The following SPRY3 variants were observed in gnomAD, a reference collection of about 807,000 sequenced individuals.
SPRY3 encodes protein sprouty homolog 3.
In SPRY3, 15 loss-of-function variants were observed where a neutral mutation model predicts 20.2. The observed-to-expected ratio is 0.74, with a 90% confidence interval of 0.50 to 1.14. The LOEUF (loss-of-function observed/expected upper bound fraction) is 1.14, where lower values mean the gene tolerates loss of function less well. SPRY3 is among the 50% of genes most tolerant of loss of function. The pLI, the probability that SPRY3 is intolerant of heterozygous loss-of-function variation, is 0.00. For missense variants in SPRY3, 364 were observed against 363.9 expected (o/e 1.00, Z 0.00); for synonymous variants, 143 against 136.5 (o/e 1.05, Z -0.33).
chrX:155,767,719 AAAGAGGAGGAGGAG>A (rs2091345424), intron 2 of SPRY3: 9 of 83,112 alleles, frequency 1.1e-4, no homozygotes, highest in African/African-American at 4.6e-4. Context: ...GGAGGAGGAG[AAAGAGGAGGAGGAG>A]GAGAGAGAGG....
At chrX:155,696,358 CCTT>C (rs1178193485) in intron 2 of SPRY3, among the ~76,000 whole-genome samples, 1 of 110,059 alleles carries the variant, frequency 9.1e-6, no homozygotes, top group Non-Finnish European at 1.9e-5. Context: ...GGCAGCACCT[CCTT>C]CTTGATTGTT....
chrX:155,711,837 T>C (rs1367806707), intron 2 of SPRY3, among the ~76,000 whole-genome samples: 1 of 151,540 alleles, frequency 6.6e-6, no homozygotes, highest in Non-Finnish European at 1.5e-5. Flanking sequence ...TGTAGGGACT[T>C]ATAGCTATAA....
chrX:155,614,329 C>T (rs1258037475), intron 1 of SPRY3, among the ~76,000 whole-genome samples: 1 of 112,021 alleles, frequency 8.9e-6, no homozygotes, highest in African/African-American at 3.2e-5. Flanking sequence ...ACAGGAAGAT[C>T]ATAACTGTAG....
chrX:155,757,596 G>A (rs1416341356), intron 2 of SPRY3, among the ~76,000 whole-genome samples: 1 of 152,078 alleles, frequency 6.6e-6, no homozygotes, highest in Non-Finnish European at 1.5e-5. Flanking sequence ...TGCTTGTAAT[G>A]GTCTGGAGGT....
At chrX:155,727,417 C>A (rs1387588966) in intron 2 of SPRY3, among the ~76,000 whole-genome samples, 1 of 152,258 alleles carries the variant, frequency 6.6e-6, no homozygotes, top group Middle Eastern at 3.4e-3. Context: ...TGGTTCCATT[C>A]TCCCCGTCAC....
Position 155,709,973 on chromosome X carries a change from G to A in SPRY3, c.-282+52948G>A, listed in dbSNP as rs185312889. On this transcript the variant is annotated intron_variant, in intron 2 of 3. Coordinates refer to ENST00000675360, the Ensembl canonical transcript of SPRY3. Reference sequence around the variant, plus strand: ...TTTACAGAAAGTGAGTTCACTGTAGGTATGTGGATTTGTTTCTGGGTTCTC... The same window carrying A: ...TTTACAGAAAGTGAGTTCACTGTAGATATGTGGATTTGTTTCTGGGTTCTC... Among the ~76,000 whole-genome samples the A allele has an allele frequency of 4.0e-5, 6 of 151,556 alleles. No homozygotes were observed. In the East Asian group the frequency reaches 1.2e-3, roughly 29 times the overall value.
intron 2 of SPRY3, among the ~76,000 whole-genome samples, chrX:155,739,766 A>G (rs190927644): frequency 3.7e-4 from 56 of 152,304 alleles, no homozygotes; most frequent in African/African-American, 1.3e-3. Context: ...AACAAACAGG[A>G]AGCAACAGCA....
chrX:155,672,476 C>T (rs1351561866), intron 2 of SPRY3, among the ~76,000 whole-genome samples: 1 of 111,376 alleles, frequency 9.0e-6, no homozygotes, highest in East Asian at 2.8e-4. Flanking sequence ...GCTCATCATC[C>T]CTGGCCATCA....
At chrX:155,727,291 A>G (rs773058220) in intron 2 of SPRY3, among the ~76,000 whole-genome samples, 1 of 151,946 alleles carries the variant, frequency 6.6e-6, no homozygotes, top group East Asian at 1.9e-4. Flanking sequence ...TTGGGGTTGC[A>G]CTTCTCGAGG....
chrX:155,714,235 C>A (rs1402801675), intron 2 of SPRY3, among the ~76,000 whole-genome samples: 1 of 152,096 alleles, frequency 6.6e-6, no homozygotes, highest in Non-Finnish European at 1.5e-5. Context: ...ATTATGTTTT[C>A]TTTTCCTGGA....
intron 2 of SPRY3, among the ~76,000 whole-genome samples, chrX:155,748,618 C>T (rs962791639): frequency 1.3e-5 from 2 of 151,780 alleles, no homozygotes; most frequent in African/African-American, 4.8e-5. Flanking sequence ...AAGACGAAGA[C>T]TTCTAAAGGA....
Position 155,765,233 on chromosome X carries a change from G to A in SPRY3, c.-281-2729G>A, listed in dbSNP as rs2091320205. Among the ~76,000 whole-genome samples, 5 of 152,118 alleles carry A rather than the reference G, an allele frequency of 3.3e-5. No individual in the cohort carries two copies. In the South Asian group the frequency reaches 1.0e-3, roughly 32 times the overall value. On this transcript the variant is annotated intron_variant, in intron 2 of 3. Coordinates refer to ENST00000675360, the Ensembl canonical transcript of SPRY3. Reference sequence around the variant, plus strand: ...AAGTTAGAACAAAAATCCCTGAAGGGATTTGCAGATGGTTGGATACTGTGG... The same window carrying A: ...AAGTTAGAACAAAAATCCCTGAAGGAATTTGCAGATGGTTGGATACTGTGG...
At chrX:155,767,505 T>C (rs970476745) in intron 2 of SPRY3, among the ~76,000 whole-genome samples, 1 of 150,786 alleles carries the variant, frequency 6.6e-6, no homozygotes, top group Admixed American at 6.6e-5. Flanking sequence ...GGTTCATCTG[T>C]CAGATTGGAG....
intron 2 of SPRY3, among the ~76,000 whole-genome samples, chrX:155,696,340 A>G (rs2068118840): frequency 9.1e-6 from 1 of 109,544 alleles, no homozygotes; most frequent in African/African-American, 3.3e-5. Context: ...TTATCATGTC[A>G]TCTCTGAGGC....
chrX:155,728,647 A>G lies in SPRY3; in HGVS notation c.-281-39315A>G, dbSNP rs181661792. On this transcript the variant is annotated intron_variant, in intron 2 of 3. Transcript: ENST00000675360. ...ATGGGAGAGAATCTCCTGGTCTGCC[A>G]GTTGCTAAGACCATGGGAAAAGCAC... Among the ~76,000 whole-genome samples the G allele has an allele frequency of 1.6e-3, 249 of 152,346 alleles. 2 individuals carry two copies. The highest frequency in any genetic ancestry group is 5.7e-3 in the African/African-American group (239 of 41,590).
chrX:155,676,295 T>A (rs1339528914), intron 2 of SPRY3, among the ~76,000 whole-genome samples: 4 of 111,645 alleles, frequency 3.6e-5, no homozygotes, highest in African/African-American at 1.3e-4. Context: ...TTCTAATATA[T>A]CCAGTGTGAA....
chrX:155,624,479 A>G (rs1490997371), intron 1 of SPRY3, among the ~76,000 whole-genome samples: 1 of 110,643 alleles, frequency 9.0e-6, no homozygotes, highest in African/African-American at 3.3e-5. Context: ...ATCTGTATCT[A>G]TATAATCTAT....
intron 2 of SPRY3, among the ~76,000 whole-genome samples, chrX:155,759,030 G>A (rs899728411): frequency 1.3e-5 from 2 of 150,694 alleles, no homozygotes; most frequent in African/African-American, 4.9e-5. Context: ...TTATATCTTT[G>A]TGCATGCCGT....
intron 2 of SPRY3, among the ~76,000 whole-genome samples, chrX:155,724,329 T>C (rs1335384446): frequency 1.3e-5 from 2 of 152,162 alleles, no homozygotes; most frequent in Non-Finnish European, 2.9e-5. Context: ...AAGAAAGTCA[T>C]TGGTAGCTCG....
Sources: gnomAD v4.1 joint callset for allele counts (sites outside exome capture counted in the v4.1 genomes callset) on GRCh38, gnomAD v4.1.1 for gene constraint, MANE v1.5 for transcripts, NCBI Gene and HGNC (gene_info 2026-07-23, HGNC 2026-07-21) for gene names.